The following ATXN1 variants were observed in gnomAD, a reference collection of about 807,000 sequenced individuals.
The protein encoded by ATXN1 is ataxin-1.
In ATXN1, 8 loss-of-function variants were observed where a neutral mutation model predicts 56.4. The ratio of observed to expected loss-of-function variants is 0.14; its 90% CI spans 0.08 to 0.26. The LOEUF is 0.26. Among genes scored for constraint, ATXN1 ranks in the 10% least tolerant of loss-of-function variants. The probability of loss-of-function intolerance (pLI) is 1.00; values close to 1 mark genes in which losing one functional copy is unlikely to be tolerated. For missense variants in ATXN1, 987 were observed against 1,106.5 expected (o/e 0.89, Z 1.53); for synonymous variants, 514 against 494.6 (o/e 1.04, Z -0.52).
intron 3 of ATXN1, among the ~76,000 whole-genome samples, chr6:16,611,795 T>G (rs535458762): frequency 4.7e-5 from 7 of 148,054 alleles, no homozygotes; most frequent in African/African-American, 1.7e-4. Flanking sequence ...AGACATGCAA[T>G]AATGTTAAAG....
Position 16,760,944 on chromosome 6 carries a change from G to A in ATXN1, c.-730+354C>T, listed in dbSNP as rs1215248753. 6.8e-6 allele frequency among the ~76,000 whole-genome samples: 1 copy of A among 147,584 alleles called. No homozygotes were observed. Among genetic ancestry groups the A allele is most frequent in the Non-Finnish European group, 1.5e-5 (1 of 66,382 alleles). ...CCGCCCGCGCCCCCCGCCCGGGCGC[G>A]CCCCCTAGCCCGGCGGGCGCCCACC... On this transcript the variant is annotated intron_variant, in intron 1 of 7. Coordinates refer to ENST00000436367, the MANE Select transcript of ATXN1 (RefSeq NM_001128164.2). This position sits in a 1 kb window ranked among gnomAD's most constrained non-coding sequence, Gnocchi z 5.3.
intron 4 of ATXN1, among the ~76,000 whole-genome samples, chr6:16,535,400 A>T (rs1327238796): frequency 6.6e-6 from 1 of 152,074 alleles, no homozygotes; most frequent in Non-Finnish European, 1.5e-5. Context: ...ATAAATCAAT[A>T]CCCCACAGTG....
intron 4 of ATXN1, among the ~76,000 whole-genome samples, chr6:16,522,956 G>T (rs1405696852): frequency 2.0e-5 from 3 of 152,242 alleles, no homozygotes; most frequent in Admixed American, 2.0e-4. Flanking sequence ...TTGTGACAAG[G>T]AGTCCATATT....
In ATXN1 at chr6:16,302,020, CTG is replaced by C. The variant is rs779888760; in HGVS notation, c.*4307_*4308del. 8.5e-5 allele frequency: 13 copies of C among 152,656 alleles called. No individual in the cohort carries two copies. Among genetic ancestry groups the C allele is most frequent in the Non-Finnish European group, 1.5e-4 (10 of 68,044 alleles). The allele number at this position is 152,656 out of a possible 1,614,324, so 9.5% of individuals were successfully genotyped here. On this transcript the variant is annotated 3_prime_UTR_variant, in exon 8 of 8. Transcript: ENST00000436367. Reference sequence around the variant, plus strand: ...GCAACATATTTCAGTAAAGATCAAACTGTGCAAAGAGTGGATTTTATGATTAC... The same window carrying C: ...GCAACATATTTCAGTAAAGATCAAACTGCAAAGAGTGGATTTTATGATTAC...
chr6:16,612,275 G>C (rs1455124511), intron 3 of ATXN1, among the ~76,000 whole-genome samples: 1 of 151,924 alleles, frequency 6.6e-6, no homozygotes, highest in African/African-American at 2.4e-5. Context: ...TCTATACAGG[G>C]GCTCATGGAA....
intron 6 of ATXN1, among the ~76,000 whole-genome samples, chr6:16,408,538 A>G (rs1490844777): frequency 6.6e-6 from 1 of 151,992 alleles, no homozygotes; most frequent in African/African-American, 2.4e-5. Flanking sequence ...AAAAGTTAAC[A>G]GTAACTCAGG....
chr6:16,435,344 C>T (rs765277271), intron 6 of ATXN1, among the ~76,000 whole-genome samples: 5 of 152,074 alleles, frequency 3.3e-5, no homozygotes, highest in Non-Finnish European at 5.9e-5. Context: ...TGGATGAGAT[C>T]ATCTAGCAGA....
intron 6 of ATXN1, among the ~76,000 whole-genome samples, chr6:16,462,681 G>T (rs1179505736): frequency 6.6e-6 from 1 of 152,070 alleles, no homozygotes; most frequent in African/African-American, 2.4e-5. Flanking sequence ...GCAATGAAAA[G>T]CCCTGTAACC....
At chr6:16,385,680 A>G (rs1205608729) in intron 6 of ATXN1, among the ~76,000 whole-genome samples, 1 of 152,232 alleles carries the variant, frequency 6.6e-6, no homozygotes, top group South Asian at 2.1e-4. Flanking sequence ...ATCCCCCTAC[A>G]TGCAGTAGGT....
chr6:16,470,842 A>G (rs528295444), intron 6 of ATXN1, among the ~76,000 whole-genome samples: 1 of 152,310 alleles, frequency 6.6e-6, no homozygotes, highest in South Asian at 2.1e-4. Context: ...AAAAATAATT[A>G]AGAGAAAAAT....
At chr6:16,702,938 C>A (rs1409009113) in intron 2 of ATXN1, among the ~76,000 whole-genome samples, 1 of 152,054 alleles carries the variant, frequency 6.6e-6, no homozygotes, top group African/African-American at 2.4e-5. Flanking sequence ...CCTCAGGGAT[C>A]TAGAACTAGA....
chr6:16,328,098 T>C lies in ATXN1; in HGVS notation c.213A>G (p.Leu71=), dbSNP rs774750327. The C allele has an allele frequency of 3.1e-6, 5 of 1,601,694 alleles. No homozygotes were observed. The highest frequency in any genetic ancestry group is 2.6e-6 in the Non-Finnish European group (3 of 1,171,104). The stretch of plus-strand genomic sequence containing the variant: ...CTTTGTGTAAACCTATTCCCTGTTG[T>C]AAACCAAGCTCCACCGAGGTCCCTG... The part of the protein sequence containing the change: ...GPAGTSVELG[L]QQGIGLHKAL... The change falls in exon 7 of 8, where the codon TTA becomes TTG. Residue 71 remains leucine, a synonymous_variant. Coordinates refer to ENST00000436367, the MANE Select transcript of ATXN1 (RefSeq NM_001128164.2). This position sits in a 1 kb window ranked among gnomAD's most constrained non-coding sequence, Gnocchi z 6.2.
intron 6 of ATXN1, among the ~76,000 whole-genome samples, chr6:16,348,249 CAG>C (rs1194377155): frequency 2.0e-5 from 3 of 152,080 alleles, no homozygotes; most frequent in Admixed American, 6.6e-5. Context: ...CTTTTTTATT[CAG>C]ATAGGGTTTC....
chr6:16,639,878 G>A (rs879290061), intron 3 of ATXN1, among the ~76,000 whole-genome samples: 11 of 152,200 alleles, frequency 7.2e-5, no homozygotes, highest in Admixed American at 2.0e-4. Flanking sequence ...AGCACCAGAA[G>A]TGGAGGCCTA....
rs550574704 is a variant in ATXN1 at position 16,663,526 on chromosome 6, A to G, written c.-614-5625T>C. Among the ~76,000 whole-genome samples, 5 of 152,318 alleles carry G rather than the reference A, an allele frequency of 3.3e-5. No homozygotes were observed. In the East Asian group the frequency reaches 9.6e-4, roughly 29 times the overall value. On this transcript the variant is annotated intron_variant, in intron 2 of 7. Transcript: ENST00000436367. ...AAATTCTCGCTGCACTCCTGCCTCA[A>G]TACAAATTTAGAATGGCACTGTGCC...
intron 6 of ATXN1, among the ~76,000 whole-genome samples, chr6:16,423,741 G>C (rs113944102): frequency 2.4e-3 from 372 of 152,302 alleles, no homozygotes; most frequent in African/African-American, 8.3e-3. Flanking sequence ...TTAAATAAAG[G>C]GGTTTCCAAG....
chr6:16,491,090 ATTTTTTTTTTTTT>A (rs35884389), intron 5 of ATXN1, among the ~76,000 whole-genome samples: 2 of 78,314 alleles, frequency 2.6e-5, no homozygotes, highest in East Asian at 8.6e-4. Context: ...GGATCCCTGG[ATTTTTTTTTTTTT>A]TTTTTTTTTT....
intron 5 of ATXN1, among the ~76,000 whole-genome samples, chr6:16,504,993 C>CTT (rs34197922): frequency 0.014 from 1,947 of 135,276 alleles, 23 homozygotes; most frequent in Non-Finnish European, 0.022. Flanking sequence ...CTCCTGTTTC[C>CTT]TTTTTTTTTT....
At chr6:16,726,543 C>A (rs1438105257) in intron 2 of ATXN1, among the ~76,000 whole-genome samples, 5 of 152,202 alleles carry the variant, frequency 3.3e-5, no homozygotes, top group South Asian at 4.1e-4. Context: ...ATTACTAAGA[C>A]CTCTTGCACC....
Sources: gnomAD v4.1 joint callset for allele counts (sites outside exome capture counted in the v4.1 genomes callset) on GRCh38, gnomAD v4.1.1 for gene constraint, Gnocchi (gnomAD v3.1) non-coding constraint, MANE v1.5 for transcripts, NCBI Gene and HGNC (gene_info 2026-07-23, HGNC 2026-07-21) for gene names.